Variants in POMGNT2 observed in about 807,000 individuals in gnomAD.
The protein encoded by POMGNT2 is protein O-linked-mannose beta-1,4-N-acetylglucosaminyltransferase 2.
A neutral mutation model predicts 37.8 loss-of-function variants in POMGNT2; 32 were observed. The ratio of observed to expected loss-of-function variants is 0.85; its 90% CI spans 0.64 to 1.14. The LOEUF is 1.14. Ranked by LOEUF, POMGNT2 falls within the 50% of genes most tolerant of loss-of-function variation. The pLI, the probability that POMGNT2 is intolerant of heterozygous loss-of-function variation, is 0.00. For missense variants in POMGNT2, 705 were observed against 780.6 expected (o/e 0.90, Z 1.15); for synonymous variants, 340 against 336.8 (o/e 1.01, Z -0.10).
intron 1 of POMGNT2, among the ~76,000 whole-genome samples, chr3:43,089,201 G>A (rs1261598116): frequency 6.6e-6 from 1 of 152,206 alleles, no homozygotes; most frequent in Non-Finnish European, 1.5e-5. Flanking sequence ...GTCACAGCAC[G>A]GGCAGAAGGT....
intron 1 of POMGNT2, among the ~76,000 whole-genome samples, chr3:43,097,883 C>A (rs2089991312): frequency 6.6e-6 from 1 of 152,176 alleles, no homozygotes; most frequent in Non-Finnish European, 1.5e-5. Context: ...AACGGATGCT[C>A]ATTTGCAAGC....
intron 1 of POMGNT2, among the ~76,000 whole-genome samples, chr3:43,104,879 A>G (rs537040137): frequency 5.3e-5 from 8 of 152,218 alleles, no homozygotes; most frequent in Non-Finnish European, 1.2e-4. Context: ...ACAGAGAAAG[A>G]AACAGAGGCT....
intron 1 of POMGNT2, among the ~76,000 whole-genome samples, chr3:43,101,266 A>G (rs1330932000): frequency 6.6e-6 from 1 of 152,202 alleles, no homozygotes; most frequent in Non-Finnish European, 1.5e-5. Context: ...CTGCAAAAAG[A>G]AGTCATGGGG....
chr3:43,092,029 T>C (rs764869033), intron 1 of POMGNT2, among the ~76,000 whole-genome samples: 3 of 152,182 alleles, frequency 2.0e-5, no homozygotes, highest in Non-Finnish European at 4.4e-5. Flanking sequence ...ACACAGCAAC[T>C]TAATGCAGTG....
Position 43,081,405 on chromosome 3 carries a change from G to C in POMGNT2, c.27C>G (p.Ala9=). 1 of 1,592,246 alleles carries C rather than the reference G, an allele frequency of 6.3e-7. No homozygotes were observed. The highest frequency in any genetic ancestry group is 1.1e-5 in the South Asian group (1 of 87,416). The change falls in exon 2 of 2, where the codon GCC becomes GCG. Residue 9 remains alanine (A), a synonymous_variant. Transcript: ENST00000344697. MHLSAVFN[A]LLVSVLAAVL... is the part of the protein sequence containing the mutation. Reference sequence around the variant, plus strand: ...CCGCTGCCAGCACCGACACCAGGAGGGCGTTGAACACCGCCGAGAGGTGCA... The same window carrying C: ...CCGCTGCCAGCACCGACACCAGGAGCGCGTTGAACACCGCCGAGAGGTGCA...
At chr3:43,085,555 T>A (rs927366816) in intron 1 of POMGNT2, among the ~76,000 whole-genome samples, 1 of 152,184 alleles carries the variant, frequency 6.6e-6, no homozygotes, top group Non-Finnish European at 1.5e-5. Flanking sequence ...TGTTCCTTCT[T>A]GCCCTCTCCC....
chr3:43,083,236 GAAACA>G (rs1295683783), intron 1 of POMGNT2, among the ~76,000 whole-genome samples: 1 of 151,648 alleles, frequency 6.6e-6, no homozygotes, highest in Non-Finnish European at 1.5e-5. Flanking sequence ...AACAACAACA[GAAACA>G]AAACAAAACA....
At chr3:43,102,308 G>A (rs1170312645) in intron 1 of POMGNT2, among the ~76,000 whole-genome samples, 1 of 152,234 alleles carries the variant, frequency 6.6e-6, no homozygotes, top group Non-Finnish European at 1.5e-5. Flanking sequence ...GGGCTGAGGA[G>A]CAACTACACA....
At chr3:43,089,741 A>G (rs1209958331) in intron 1 of POMGNT2, among the ~76,000 whole-genome samples, 1 of 152,128 alleles carries the variant, frequency 6.6e-6, no homozygotes, top group African/African-American at 2.4e-5. Context: ...AAGTCTGCAG[A>G]TGATTTAAAT....
In POMGNT2 at chr3:43,080,994, C is replaced by T. The variant is rs375314883; in HGVS notation, c.438G>A (p.Pro146=). The change falls in exon 2 of 2, where the codon CCG becomes CCA. Residue 146 remains proline (P), a synonymous_variant. Transcript: ENST00000344697. ...PAAALRFMPK[P]VFVPDVALIA... The stretch of plus-strand genomic sequence containing the variant: ...TGAGGGCCACGTCTGGCACGAACAC[C>T]GGCTTGGGCATGAAGCGCAGGGCAG... The T allele has an allele frequency of 6.8e-5, 110 of 1,614,198 alleles. 1 individual carries two copies. In the African/African-American group the frequency reaches 8.5e-4, roughly 13 times the overall value.
At chr3:43,093,911 C>A (rs139987554) in intron 1 of POMGNT2, among the ~76,000 whole-genome samples, 5 of 152,090 alleles carry the variant, frequency 3.3e-5, no homozygotes, top group Non-Finnish European at 5.9e-5. Context: ...AGGATCTGCT[C>A]CTGGGAGACT....
chr3:43,079,425 GCTTCCTCCTCTCCT>G lies in POMGNT2; in HGVS notation c.*250_*263del, dbSNP rs1266263743. 2 of 434,934 alleles carry G rather than the reference GCTTCCTCCTCTCCT, an allele frequency of 4.6e-6. No homozygotes were observed. The highest frequency in any genetic ancestry group is 8.1e-6 in the Non-Finnish European group (2 of 245,958). 26.9% of individuals were successfully genotyped at this position (434,934 alleles called of 1,614,324 possible). A position where few individuals can be genotyped will look rare whatever the true frequency, so the allele number is the denominator to read the frequency against. Reference sequence around the variant, plus strand: ...AGCCAGAGGTTCCTTGTGATTCTTTGCTTCCTCCTCTCCTCTTCCTCCTCCCTGCTAAGGAACTT... The same window carrying G: ...AGCCAGAGGTTCCTTGTGATTCTTTGCTTCCTCCTCCCTGCTAAGGAACTT... On this transcript the variant is annotated 3_prime_UTR_variant, in exon 2 of 2. Transcript: ENST00000344697.
chr3:43,080,903 A>T lies in POMGNT2; in HGVS notation c.529T>A (p.Tyr177Asn), dbSNP rs1372990845. The change falls in exon 2 of 2, where the codon TAC becomes AAC. Residue 177 changes from tyrosine (Y) to asparagine (N), a missense_variant. Physicochemically the swap from Tyr to Asn is moderately radical, Grantham distance 143 (BLOSUM62 -2). Coordinates refer to ENST00000344697, the MANE Select transcript of POMGNT2 (RefSeq NM_032806.6). Reference protein sequence around the residue: ...VFHDDLLPLFYTLRQFPGLAH... With the variant: ...VFHDDLLPLFNTLRQFPGLAH... ...AGGCCGGGAAACTGCCGCAGGGTGT[A>T]GAAGAGTGGCAGCAGGTCGTCATGA... The T allele has an allele frequency of 6.2e-7, 1 of 1,614,162 alleles. No homozygotes were observed.
At chr3:43,103,147 C>A (rs78655197) in intron 1 of POMGNT2, among the ~76,000 whole-genome samples, 1,766 of 152,230 alleles carry the variant, frequency 0.012, 40 homozygotes, top group African/African-American at 0.04. Context: ...CCCTTTAGAG[C>A]TACAAGAACC....
chr3:43,099,612 T>C (rs1356152806), intron 1 of POMGNT2, among the ~76,000 whole-genome samples: 3 of 152,080 alleles, frequency 2.0e-5, no homozygotes, highest in Non-Finnish European at 2.9e-5. Context: ...GGCACAGAAG[T>C]GCCAGGGAAG....
chr3:43,103,216 G>T (rs937265084), intron 1 of POMGNT2, among the ~76,000 whole-genome samples: 1 of 152,118 alleles, frequency 6.6e-6, no homozygotes, highest in African/African-American at 2.4e-5. Context: ...GAGGCAGTGT[G>T]AGCTCTCACA....
Position 43,094,982 on chromosome 3 carries a change from C to T in POMGNT2, c.-106+10854G>A, listed in dbSNP as rs1163250306. ...CAGTCAGATCTGGCTGGCACCCCAG[C>T]CTGTTGAGCTCCTGCTGCGTCTCAG... On this transcript the variant is annotated intron_variant, in intron 1 of 1. Coordinates refer to ENST00000344697, the MANE Select transcript of POMGNT2 (RefSeq NM_032806.6). Among the ~76,000 whole-genome samples the T allele has an allele frequency of 2.6e-5, 4 of 152,222 alleles. No individual in the cohort carries two copies. In the East Asian group the frequency reaches 7.7e-4, roughly 29 times the overall value.
intron 1 of POMGNT2, among the ~76,000 whole-genome samples, chr3:43,100,568 T>C (rs1360144818): frequency 6.6e-6 from 1 of 152,240 alleles, no homozygotes; most frequent in Non-Finnish European, 1.5e-5. Context: ...CTTTAGCATG[T>C]ATTTTCTAAG....
chr3:43,088,741 G>A (rs137978081), intron 1 of POMGNT2, among the ~76,000 whole-genome samples: 38 of 152,324 alleles, frequency 2.5e-4, no homozygotes, highest in Non-Finnish European at 3.5e-4. Flanking sequence ...CTGACCATGC[G>A]GAAACCAGCT....
Sources: allele counts gnomAD v4.1 joint callset (sites outside exome capture counted in the v4.1 genomes callset), GRCh38; gene constraint gnomAD v4.1.1; transcripts MANE v1.5; gene names NCBI Gene and HGNC (gene_info 2026-07-23, HGNC 2026-07-21).